The following PRKN variants were observed in gnomAD, a reference collection of about 807,000 sequenced individuals.
PRKN encodes the protein E3 ubiquitin-protein ligase parkin.
A neutral mutation model predicts 59.5 loss-of-function variants in PRKN; 56 were observed. The ratio of observed to expected loss-of-function variants is 0.94; its 90% confidence interval spans 0.76 to 1.18. PRKN has a LOEUF of 1.18. Ranked by LOEUF, PRKN falls within the 50% of genes most tolerant of loss-of-function variation. The pLI is 0.00. For synonymous variants in PRKN, 250 were observed against 222.1 expected, an observed-to-expected ratio of 1.13 and a Z score of -1.12; for missense variants, 657 against 596.4, an observed-to-expected ratio of 1.10 and a Z score of -1.06.
intron 6 of PRKN, among the ~76,000 whole-genome samples, chr6:161,797,718 C>T (rs889931968): frequency 1.3e-5 from 2 of 152,130 alleles, no homozygotes; most frequent in African/African-American, 4.8e-5. Context: ...TGTGAAATTT[C>T]TAAGGTATCA....
At chr6:161,443,725 TTCAG>T (rs1252211195) in intron 9 of PRKN, among the ~76,000 whole-genome samples, 1 of 152,062 alleles carries the variant, frequency 6.6e-6, no homozygotes, top group Non-Finnish European at 1.5e-5. Flanking sequence ...CAGTCATTAG[TTCAG>T]TCAGTTTTAC....
At chr6:161,657,241 TCACGGCTCTG>T (rs1483671475) in intron 7 of PRKN, among the ~76,000 whole-genome samples, 4 of 152,216 alleles carry the variant, frequency 2.6e-5, no homozygotes, top group Non-Finnish European at 5.9e-5. Context: ...CCCAGTGACC[TCACGGCTCTG>T]GATCGCCCAT....
At chr6:162,329,061 G>A (rs1326447575) in intron 2 of PRKN, among the ~76,000 whole-genome samples, 3 of 152,234 alleles carry the variant, frequency 2.0e-5, no homozygotes, top group South Asian at 2.1e-4. Context: ...GTATGTGTTC[G>A]GGTACTTCTA....
At chr6:161,986,960 A>T (rs1781457469) in intron 5 of PRKN, among the ~76,000 whole-genome samples, 1 of 152,210 alleles carries the variant, frequency 6.6e-6, no homozygotes, top group South Asian at 2.1e-4. Flanking sequence ...TAGCTTTAAA[A>T]CATTTTAAAT....
intron 9 of PRKN, among the ~76,000 whole-genome samples, chr6:161,464,372 T>C (rs1161379104): frequency 1.3e-5 from 2 of 152,222 alleles, no homozygotes; most frequent in Admixed American, 1.3e-4. Flanking sequence ...CCAATTCCTA[T>C]GGAAGTCACA....
rs1042937783 is a variant in PRKN, at chr6:161,545,216, GA to G, written c.1083+3637del. 1.2e-4 allele frequency: 166 copies of G among 1,329,052 alleles called. No individual in the cohort carries two copies. Among genetic ancestry groups the G allele is most frequent in the South Asian group, 3.4e-4 (15 of 44,406 alleles). The allele number at this position is 1,329,052 out of a possible 1,614,324, so 82.3% of individuals were successfully genotyped here. The stretch of plus-strand genomic sequence containing the variant: ...ACTTTTTCTATCTTGATAATTGAGG[GA>G]AAAAAAAATTAAGCACGGGTGAATT... On this transcript the variant is annotated intron_variant, in intron 9 of 11. Transcript: ENST00000366898. The surrounding 1 kb of genome is among the most constrained non-coding windows in gnomAD (Gnocchi z 4.1).
intron 2 of PRKN, among the ~76,000 whole-genome samples, chr6:162,404,713 C>T (rs1787973928): frequency 6.6e-6 from 1 of 152,072 alleles, no homozygotes; most frequent in African/African-American, 2.4e-5. Flanking sequence ...CCACCACACC[C>T]AGCTAATTTT....
intron 1 of PRKN, among the ~76,000 whole-genome samples, chr6:162,656,789 G>A (rs1778660797): frequency 6.6e-6 from 1 of 152,064 alleles, no homozygotes; most frequent in Non-Finnish European, 1.5e-5. Context: ...CCTTCCAACA[G>A]CTGGCCTTCC....
chr6:161,984,333 C>CCG (rs754081313), intron 5 of PRKN, among the ~76,000 whole-genome samples: 3 of 152,164 alleles, frequency 2.0e-5, no homozygotes, highest in Admixed American at 6.5e-5. Context: ...CCTTGGCTCA[C>CCG]CGCAACCTCC....
rs1442838226 is a variant in PRKN at position 161,366,552 on chromosome 6, T to C, written c.1168-6347A>G. ...AAGAAGGACTCCGTACTTCTGTATTTGAGTCCTTGTGGTCGAACTTAGCCA... is the reference window on the plus strand; with the variant it reads ...AAGAAGGACTCCGTACTTCTGTATTCGAGTCCTTGTGGTCGAACTTAGCCA... On this transcript the variant is annotated intron_variant, in intron 10 of 11. Coordinates refer to ENST00000366898, the MANE Select transcript of PRKN (RefSeq NM_004562.3). Among the ~76,000 whole-genome samples the C allele has an allele frequency of 2.6e-5, 4 of 152,244 alleles. No individual in the cohort carries two copies. In the South Asian group the frequency reaches 6.2e-4, roughly 24 times the overall value.
chr6:162,281,668 T>C (rs1253373782), intron 2 of PRKN, among the ~76,000 whole-genome samples: 2 of 152,158 alleles, frequency 1.3e-5, no homozygotes, highest in Non-Finnish European at 2.9e-5. Flanking sequence ...ATGGTTTAAA[T>C]AGAAGAATTA....
intron 4 of PRKN, among the ~76,000 whole-genome samples, chr6:162,162,240 T>A (rs996757075): frequency 6.6e-6 from 1 of 152,154 alleles, no homozygotes; most frequent in Admixed American, 6.6e-5. Context: ...CATGCCACCA[T>A]ACCTGGCTAA....
At chr6:161,489,498 T>C (rs918194618) in intron 9 of PRKN, among the ~76,000 whole-genome samples, 7 of 152,164 alleles carry the variant, frequency 4.6e-5, no homozygotes. Context: ...GGGCAGAGGT[T>C]GCAGTGAGCC....
chr6:161,693,036 G>A (rs1785866166), intron 7 of PRKN, among the ~76,000 whole-genome samples: 1 of 150,552 alleles, frequency 6.6e-6, no homozygotes, highest in African/African-American at 2.4e-5. Context: ...TTGGGTTCTT[G>A]ATTTTAAACA....
At chr6:161,976,133 G>C (rs971061574) in intron 5 of PRKN, among the ~76,000 whole-genome samples, 1 of 152,028 alleles carries the variant, frequency 6.6e-6, no homozygotes. Context: ...TTGAACTCCT[G>C]ACCTCAAGTG....
chr6:161,955,403 A>G (rs1012278731), intron 6 of PRKN, among the ~76,000 whole-genome samples: 4 of 152,222 alleles, frequency 2.6e-5, no homozygotes, highest in African/African-American at 9.6e-5. Context: ...ATGTCATATT[A>G]TCAAAAAAGA....
At chr6:161,743,911 T>A (rs925971607) in intron 7 of PRKN, among the ~76,000 whole-genome samples, 3 of 152,152 alleles carry the variant, frequency 2.0e-5, no homozygotes, top group African/African-American at 7.2e-5. Flanking sequence ...CCTGTGCTTT[T>A]CAGGGCTGCG....
intron 2 of PRKN, among the ~76,000 whole-genome samples, chr6:162,284,195 A>G (rs1781061142): frequency 8.8e-6 from 1 of 113,142 alleles, no homozygotes; most frequent in Non-Finnish European, 1.9e-5. Context: ...GGGTATATTT[A>G]TGTATTGTGT....
In PRKN at chr6:161,413,523, G is replaced by C. The variant is rs574190415; in HGVS notation, c.1084-26646C>G. On this transcript the variant is annotated intron_variant, in intron 9 of 11. Coordinates refer to ENST00000366898, the MANE Select transcript of PRKN (RefSeq NM_004562.3). The surrounding 1 kb of genome is among the most constrained non-coding windows in gnomAD (Gnocchi z 4.4). ...GCAGTGAGAACTGGGGGAGAAGGCC[G>C]GAACCTGGCGGGCTCATGTGGGCAC... is the stretch of plus-strand genomic sequence containing the variant. 6.6e-6 allele frequency among the ~76,000 whole-genome samples: 1 copy of C among 152,274 alleles called. No homozygotes were observed. Among genetic ancestry groups the C allele is most frequent in the South Asian group, 2.1e-4 (1 of 4,824 alleles).
Sources: gnomAD v4.1 joint callset for allele counts (sites outside exome capture counted in the v4.1 genomes callset) on GRCh38, gnomAD v4.1.1 for gene constraint, Gnocchi (gnomAD v3.1) non-coding constraint, MANE v1.5 for transcripts, NCBI Gene and HGNC (gene_info 2026-07-23, HGNC 2026-07-21) for gene names.